Variants in UNC5D observed in about 807,000 individuals in gnomAD.
The protein encoded by UNC5D is unc-5 netrin receptor D, also known as netrin receptor UNC5D.
In UNC5D, 39 loss-of-function variants were observed where a neutral mutation model predicts 105.4. The ratio of observed to expected loss-of-function variants is 0.37; its 90% CI spans 0.29 to 0.48. The LOEUF (loss-of-function observed/expected upper bound fraction) is 0.48. Ranked by LOEUF, UNC5D falls within the 20% of genes least tolerant of loss-of-function variation. UNC5D has a pLI of 0.98. For missense variants in UNC5D, 991 were observed against 1,202.4 expected, an observed-to-expected ratio of 0.82 and a Z score of 2.60; for synonymous variants, 452 against 450.4, an observed-to-expected ratio of 1.00 and a Z score of -0.04.
chr8:35,378,700 C>T (rs1173963511), intron 1 of UNC5D, among the ~76,000 whole-genome samples: 1 of 152,162 alleles, frequency 6.6e-6, no homozygotes, highest in African/African-American at 2.4e-5. Context: ...AGTTTTAGAA[C>T]TCATTTTACT....
At chr8:35,451,432 T>TTA (rs1024366920) in intron 1 of UNC5D, among the ~76,000 whole-genome samples, 1 of 152,056 alleles carries the variant, frequency 6.6e-6, no homozygotes, top group African/African-American at 2.4e-5. Flanking sequence ...TTTAAGCTCT[T>TTA]TATATATATT....
intron 1 of UNC5D, among the ~76,000 whole-genome samples, chr8:35,423,252 T>C (rs768025274): frequency 6.6e-6 from 1 of 152,140 alleles, no homozygotes; most frequent in Non-Finnish European, 1.5e-5. Context: ...TCCACTACAT[T>C]AGTCCCTGTC....
chr8:35,497,624 A>G (rs1811681244), intron 1 of UNC5D, among the ~76,000 whole-genome samples: 1 of 151,766 alleles, frequency 6.6e-6, no homozygotes, highest in African/African-American at 2.4e-5. Flanking sequence ...AATTTTTACA[A>G]ATGGTAATGG....
intron 1 of UNC5D, among the ~76,000 whole-genome samples, chr8:35,487,593 A>ACACACACACACACACACACACACCCCCCC (rs1415748793): frequency 1.3e-5 from 2 of 150,466 alleles, no homozygotes; most frequent in African/African-American, 4.9e-5. Flanking sequence ...ACACACACAC[A>ACACACACACACACACACACACACCCCCCC]CCCCACAGAC....
At chr8:35,331,604 A>C (rs1042046989) in intron 1 of UNC5D, among the ~76,000 whole-genome samples, 2 of 152,160 alleles carry the variant, frequency 1.3e-5, no homozygotes, top group African/African-American at 4.8e-5. Flanking sequence ...TAGTCTTTGA[A>C]TATGGACCAT....
intron 1 of UNC5D, among the ~76,000 whole-genome samples, chr8:35,547,463 T>A (rs1407301104): frequency 6.6e-6 from 1 of 152,058 alleles, no homozygotes; most frequent in Non-Finnish European, 1.5e-5. Flanking sequence ...CATGCCTGGA[T>A]ACTATTTTTA....
intron 4 of UNC5D, among the ~76,000 whole-genome samples, chr8:35,656,876 T>G (rs1823769761): frequency 6.6e-6 from 1 of 151,906 alleles, no homozygotes; most frequent in Non-Finnish European, 1.5e-5. Flanking sequence ...TTTCTATCTT[T>G]CAGCAGATTT....
chr8:35,481,206 A>G (rs901800285), intron 1 of UNC5D, among the ~76,000 whole-genome samples: 4 of 152,186 alleles, frequency 2.6e-5, no homozygotes, highest in Non-Finnish European at 2.9e-5. Flanking sequence ...AACATTGAAT[A>G]AAGTGCTGAC....
At chr8:35,408,863 T>C (rs1443888094) in intron 1 of UNC5D, among the ~76,000 whole-genome samples, 1 of 152,072 alleles carries the variant, frequency 6.6e-6, no homozygotes, top group African/African-American at 2.4e-5. Context: ...GACAAATGCA[T>C]AGAATTGTGT....
At chr8:35,293,898 G>A (rs1337839394) in intron 1 of UNC5D, among the ~76,000 whole-genome samples, 1 of 152,204 alleles carries the variant, frequency 6.6e-6, no homozygotes, top group African/African-American at 2.4e-5. Context: ...CTGAATTAGA[G>A]ACATTGTATT....
At chr8:35,441,302 G>A (rs1807381028) in intron 1 of UNC5D, among the ~76,000 whole-genome samples, 1 of 151,924 alleles carries the variant, frequency 6.6e-6, no homozygotes, top group South Asian at 2.1e-4. Context: ...GATTTTGAGA[G>A]AGAAATAACT....
At chr8:35,352,197 T>G (rs1812286698) in intron 1 of UNC5D, among the ~76,000 whole-genome samples, 1 of 152,072 alleles carries the variant, frequency 6.6e-6, no homozygotes, top group African/African-American at 2.4e-5. Context: ...GATTCTATAT[T>G]TATTGACACA....
rs1482172854 is a variant in UNC5D, at chr8:35,470,489, C to G, written c.104-78803C>G. 2.6e-5 allele frequency among the ~76,000 whole-genome samples: 4 copies of G among 151,308 alleles called. No homozygotes were observed. In the East Asian group the frequency reaches 7.8e-4, roughly 29 times the overall value. ...AATGAGCATAGGCCAGGTGTGCTGA[C>G]TCACGCCTGTAATCTCAGCACTTTG... On this transcript the variant is annotated intron_variant, in intron 1 of 16. Transcript: ENST00000404895.
intron 1 of UNC5D, among the ~76,000 whole-genome samples, chr8:35,492,433 T>A (rs556054285): frequency 6.6e-6 from 1 of 152,270 alleles, no homozygotes; most frequent in East Asian, 1.9e-4. Context: ...TCATCCTTAA[T>A]GAGGAAAAGC....
At chr8:35,778,067 T>G (rs1441747106) in intron 16 of UNC5D, among the ~76,000 whole-genome samples, 1 of 152,230 alleles carries the variant, frequency 6.6e-6, no homozygotes, top group Non-Finnish European at 1.5e-5. Flanking sequence ...AGGCTGCCAT[T>G]TCCAAAATAT....
intron 1 of UNC5D, among the ~76,000 whole-genome samples, chr8:35,343,756 T>C (rs909568062): frequency 3.9e-5 from 6 of 152,292 alleles, no homozygotes; most frequent in Admixed American, 6.5e-5. Context: ...TCCTCTCTTC[T>C]ATGTTAGCCA....
chr8:35,785,833 A>G (rs1475877912), intron 16 of UNC5D, among the ~76,000 whole-genome samples: 1 of 152,178 alleles, frequency 6.6e-6, no homozygotes, highest in Non-Finnish European at 1.5e-5. Flanking sequence ...CAGGGCAGCT[A>G]CAGCAGGTAA....
At chr8:35,694,934 C>A (rs1826654984) in intron 7 of UNC5D, among the ~76,000 whole-genome samples, 1 of 152,136 alleles carries the variant, frequency 6.6e-6, no homozygotes, top group African/African-American at 2.4e-5. Context: ...AAATGTTTTC[C>A]ATGTTCTGCA....
chr8:35,448,845 T>G (rs923676149), intron 1 of UNC5D, among the ~76,000 whole-genome samples: 2 of 152,170 alleles, frequency 1.3e-5, no homozygotes, highest in African/African-American at 2.4e-5. Context: ...CTCCCACTTA[T>G]AAGTGAGAAC....
Sources: gnomAD v4.1 joint callset for allele counts (sites outside exome capture counted in the v4.1 genomes callset) on GRCh38, gnomAD v4.1.1 for gene constraint, MANE v1.5 for transcripts, NCBI Gene and HGNC (gene_info 2026-07-23, HGNC 2026-07-21) for gene names.